Variants in ADGRB1 observed in about 807,000 individuals in gnomAD.
ADGRB1 encodes the protein adhesion G protein-coupled receptor B1, also known as brain-specific angiogenesis inhibitor 1.
Under a neutral mutation model 175.7 loss-of-function variants are expected in ADGRB1, and 36 were observed. That is an observed-to-expected ratio of 0.20 (90% confidence interval 0.16 to 0.27). The LOEUF (loss-of-function observed/expected upper bound fraction) is 0.27, where lower values mean the gene tolerates loss of function less well. ADGRB1 is among the 10% of genes least tolerant of loss of function. The probability of loss-of-function intolerance (pLI) is 1.00; values close to 1 mark genes in which losing one functional copy is unlikely to be tolerated. For missense variants in ADGRB1, 1,731 were observed against 2,255.3 expected (o/e 0.77, Z 4.71); for synonymous variants, 1,054 against 979.4 (o/e 1.08, Z -1.42).
intron 24 of ADGRB1, among the ~76,000 whole-genome samples, chr8:142,529,088 A>C (rs1844424734): frequency 1.3e-5 from 2 of 152,190 alleles, no homozygotes; most frequent in Admixed American, 6.5e-5. Flanking sequence ...CACCCATGAC[A>C]CCCCCGCAGT....
intron 19 of ADGRB1, 62 bp downstream of exon 19, chr8:142,518,303 C>G: frequency 6.4e-7 from 1 of 1,561,810 alleles, no homozygotes; most frequent in East Asian, 2.2e-5. Flanking sequence ...CGCCTCTTCC[C>G]TTGAAGGTCA....
At chr8:142,489,190 G>A in intron 15 of ADGRB1, 80 bp downstream of exon 15, 4 of 1,547,050 alleles carry the variant, frequency 2.6e-6, no homozygotes, top group South Asian at 1.1e-5. Flanking sequence ...ATGTGAAGGG[G>A]GAGGCCAGGG....
chr8:142,452,211 A>C (rs576994782), intron 1 of ADGRB1, among the ~76,000 whole-genome samples: 370 of 152,294 alleles, frequency 2.4e-3, no homozygotes, highest in Non-Finnish European at 4.0e-3. Context: ...TGGGGGGCAG[A>C]AGGCTGGCCC....
chr8:142,481,828 A>G, intron 11 of ADGRB1, 117 bp downstream of exon 11: 1 of 937,700 alleles, frequency 1.1e-6, no homozygotes, highest in Non-Finnish European at 1.5e-6. Flanking sequence ...AACCCATGTC[A>G]TAGGTTGAAC....
rs1839639021 is a variant in ADGRB1, at chr8:142,455,844, G to A, written c.-220+5740G>A. Among the ~76,000 whole-genome samples the A allele has an allele frequency of 6.6e-6, 1 of 152,190 alleles. No homozygotes were observed. The highest frequency in any genetic ancestry group is 2.4e-5 in the African/African-American group (1 of 41,450). ...CCCCACCCCCGACCACCGGGCCCTG[G>A]GGGCACACGGTTGGTCTTTGGGCCA... On this transcript the variant is annotated intron_variant, in intron 1 of 30. Coordinates refer to ENST00000517894, the MANE Select transcript of ADGRB1 (RefSeq NM_001702.3). This position sits in a 1 kb window ranked among gnomAD's most constrained non-coding sequence, Gnocchi z 4.9.
intron 27 of ADGRB1, among the ~76,000 whole-genome samples, chr8:142,540,743 G>A (rs993698225): frequency 1.1e-4 from 17 of 152,060 alleles, no homozygotes; most frequent in Non-Finnish European, 2.1e-4. Context: ...CGTGCGTCCC[G>A]AGAGTGCTGT....
intron 19 of ADGRB1, among the ~76,000 whole-genome samples, chr8:142,519,148 T>G (rs1163756830): frequency 1.3e-5 from 2 of 152,124 alleles, no homozygotes; most frequent in East Asian, 3.8e-4. Context: ...TGCCTTCCCC[T>G]AGGGCCTGGA....
At chr8:142,540,965 T>C (rs886778649) in intron 27 of ADGRB1, among the ~76,000 whole-genome samples, 1 of 151,912 alleles carries the variant, frequency 6.6e-6, no homozygotes, top group African/African-American at 2.4e-5. Flanking sequence ...GCTAGGCAGC[T>C]TGGGGGGCAT....
rs1845121226 is a variant in ADGRB1 at position 142,539,275 on chromosome 8, C to T, written c.3667-99C>T. 7 of 1,262,820 alleles carry T rather than the reference C, an allele frequency of 5.5e-6. No homozygotes were observed. In the South Asian group the frequency reaches 9.7e-5, roughly 18 times the overall value. The allele number at this position is 1,262,820 out of a possible 1,614,324, so 78.2% of individuals were successfully genotyped here. A position where few individuals can be genotyped will look rare whatever the true frequency, so the allele number is the denominator to read the frequency against. ...GGACATGGACAGGGGTTCCTCGGGG[C>T]AGCAGGAGCACCGTGGCCCTCCCGA... On this transcript the variant is annotated intron_variant, in intron 26 of 30. Transcript: ENST00000517894.
intron 23 of ADGRB1, 28 bp from the exon 24 acceptor site, chr8:142,526,514 C>A (rs539289506): frequency 3.6e-6 from 5 of 1,378,160 alleles, no homozygotes; most frequent in Non-Finnish European, 5.1e-6. Flanking sequence ...CCCCCACCCC[C>A]ACACCCCCAC....
chr8:142,455,802 G>A lies in ADGRB1; in HGVS notation c.-220+5698G>A, dbSNP rs999612119. Reference sequence around the variant, plus strand: ...GGCCTGGGTGCAAGGCGGGGAAGGAGGCTTCCAAAGCCCACACCCCACCCC... The same window carrying A: ...GGCCTGGGTGCAAGGCGGGGAAGGAAGCTTCCAAAGCCCACACCCCACCCC... On this transcript the variant is annotated intron_variant, in intron 1 of 30. Coordinates refer to ENST00000517894, the MANE Select transcript of ADGRB1 (RefSeq NM_001702.3). The surrounding 1 kb of genome is among the most constrained non-coding windows in gnomAD (Gnocchi z 4.9). Among the ~76,000 whole-genome samples the A allele has an allele frequency of 6.6e-6, 1 of 152,166 alleles. No homozygotes were observed. The highest frequency in any genetic ancestry group is 2.4e-5 in the African/African-American group (1 of 41,438).
rs534419460 is a variant in ADGRB1 at position 142,478,441 on chromosome 8, G to T, written c.1561+81G>T. On this transcript the variant is annotated intron_variant, in intron 7 of 30. Transcript: ENST00000517894. Reference sequence around the variant, plus strand: ...GAAGGGGACAGGCCCCACAGCGGGTGGGGGTAACCATGGGCCCCGGCATGT... The same window carrying T: ...GAAGGGGACAGGCCCCACAGCGGGTTGGGGTAACCATGGGCCCCGGCATGT... 1.1e-4 allele frequency: 153 copies of T among 1,436,672 alleles called. No individual in the cohort carries two copies. In the East Asian group the frequency reaches 3.7e-3, roughly 35 times the overall value. 89.0% of individuals were successfully genotyped at this position (1,436,672 alleles called of 1,614,324 possible).
In ADGRB1 at chr8:142,542,265, G is replaced by C; in HGVS notation, c.4031G>C (p.Ser1344Thr). The change falls in exon 28 of 31, where the codon AGC becomes ACC. Residue 1344 changes from serine (S) to threonine (T), a missense_variant. Physicochemically the swap from Ser to Thr is moderately conservative, Grantham distance 58. Around this residue, in one of 8 missense-constraint regions of ADGRB1, gnomAD observed 394 missense variants for 410.2 expected, o/e 0.96. Coordinates refer to ENST00000517894, the MANE Select transcript of ADGRB1 (RefSeq NM_001702.3). The surrounding 1 kb of genome is among the most constrained non-coding windows in gnomAD (Gnocchi z 6.3). Reference protein sequence around the residue: ...SRAQEKALDTSYVILPTATAT... With the variant: ...SRAQEKALDTTYVILPTATAT... Reference sequence around the variant, plus strand: ...GCCCAGGAGAAGGCTCTGGACACGAGCTACGTGATCCTGCCCACGGCCACG... The same window carrying C: ...GCCCAGGAGAAGGCTCTGGACACGACCTACGTGATCCTGCCCACGGCCACG... 6.2e-7 allele frequency: 1 copy of C among 1,613,500 alleles called. No individual in the cohort carries two copies. The highest frequency in any genetic ancestry group is 2.2e-5 in the East Asian group (1 of 44,864).
At chr8:142,529,492 A>G (rs1305644139) in intron 24 of ADGRB1, among the ~76,000 whole-genome samples, 1 of 152,176 alleles carries the variant, frequency 6.6e-6, no homozygotes, top group Non-Finnish European at 1.5e-5. Context: ...CTGATGCCAC[A>G]AGTGTGCAAG....
intron 17 of ADGRB1, among the ~76,000 whole-genome samples, chr8:142,509,631 G>A (rs1402453522): frequency 1.3e-5 from 2 of 152,238 alleles, no homozygotes; most frequent in African/African-American, 4.8e-5. Flanking sequence ...GGTGGGGAAT[G>A]GGGTAAAACT....
intron 1 of ADGRB1, among the ~76,000 whole-genome samples, chr8:142,453,348 G>A (rs1325156344): frequency 6.6e-6 from 1 of 152,252 alleles, no homozygotes; most frequent in Admixed American, 6.5e-5. Flanking sequence ...GTCGGCTCTG[G>A]CTCTGGGCTG....
chr8:142,512,219 C>T (rs1350392406), intron 18 of ADGRB1, among the ~76,000 whole-genome samples: 2 of 152,206 alleles, frequency 1.3e-5, no homozygotes, highest in African/African-American at 2.4e-5. Context: ...GGACAGGGGT[C>T]TGTGTCCCTG....
At position 142,510,819 on chromosome 8, in the gene ADGRB1, CGGGCCG is replaced by C. The variant is rs1033230155; in HGVS notation, c.2676-96_2676-91del. The C allele has an allele frequency of 1.2e-4, 54 of 439,450 alleles. No homozygotes were observed. The highest frequency in any genetic ancestry group is 3.9e-4 in the African/African-American group (18 of 45,734). 27.2% of individuals were successfully genotyped at this position (439,450 alleles called of 1,614,324 possible). The stretch of plus-strand genomic sequence containing the variant: ...GGCTGCGGGCGCAGGTGCGGGGCGG[CGGGCCG>C]GGGCCGGGGCCGGGGCGCGGAGCCG... On this transcript the variant is annotated intron_variant, in intron 17 of 30. Coordinates refer to ENST00000517894, the MANE Select transcript of ADGRB1 (RefSeq NM_001702.3). The surrounding 1 kb of genome is among the most constrained non-coding windows in gnomAD (Gnocchi z 6.3).
intron 17 of ADGRB1, among the ~76,000 whole-genome samples, chr8:142,503,631 G>A (rs1842730002): frequency 6.6e-6 from 1 of 152,118 alleles, no homozygotes; most frequent in Non-Finnish European, 1.5e-5. Context: ...GGGGCAGCAG[G>A]TGCGGGTCTG....
Sources: allele counts gnomAD v4.1 joint callset (sites outside exome capture counted in the v4.1 genomes callset), GRCh38; gene constraint gnomAD v4.1.1; regional missense constraint gnomAD v4.1.1; non-coding constraint Gnocchi (gnomAD v3.1); transcripts MANE v1.5; gene names NCBI Gene and HGNC (gene_info 2026-07-23, HGNC 2026-07-21).